The following KCNQ3 variants were observed in gnomAD, a reference collection of about 807,000 sequenced individuals.
The protein encoded by KCNQ3 is potassium voltage-gated channel subfamily Q member 3, also known as potassium voltage-gated channel subfamily KQT member 3.
KCNQ3 carries 30 observed loss-of-function variants against 92.5 expected under a neutral mutation model. The observed-to-expected ratio is 0.32, with a 90% CI of 0.24 to 0.44. The LOEUF is 0.44. Ranked by LOEUF, KCNQ3 falls within the 20% of genes least tolerant of loss-of-function variation. The probability of loss-of-function intolerance (pLI) is 1.00; values close to 1 mark genes in which losing one functional copy is unlikely to be tolerated. For synonymous variants in KCNQ3, 450 were observed against 468.8 expected (o/e 0.96, Z 0.52); for missense variants, 913 against 1,140.3 (o/e 0.80, Z 2.87).
intron 1 of KCNQ3, among the ~76,000 whole-genome samples, chr8:132,337,550 G>A (rs1818399000): frequency 1.3e-5 from 2 of 151,966 alleles, no homozygotes; most frequent in African/African-American, 4.8e-5. Context: ...TTTAGGGTCA[G>A]CACCCACCAC....
chr8:132,443,476 T>C (rs1239404492), intron 1 of KCNQ3, among the ~76,000 whole-genome samples: 1 of 152,156 alleles, frequency 6.6e-6, no homozygotes, highest in Non-Finnish European at 1.5e-5. Context: ...GATGGAGATG[T>C]CCACGTGTCA....
At chr8:132,357,331 C>T (rs934029944) in intron 1 of KCNQ3, among the ~76,000 whole-genome samples, 2 of 152,260 alleles carry the variant, frequency 1.3e-5, no homozygotes, top group South Asian at 2.1e-4. Flanking sequence ...CAGAGAAGTG[C>T]GTCAATGTGA....
chr8:132,176,923 T>C (rs971598061), intron 4 of KCNQ3, among the ~76,000 whole-genome samples: 1 of 152,240 alleles, frequency 6.6e-6, no homozygotes, highest in Non-Finnish European at 1.5e-5. Context: ...GTTTGGTCTA[T>C]AGCAGAGGGG....
intron 1 of KCNQ3, among the ~76,000 whole-genome samples, chr8:132,219,637 T>A (rs1047977356): frequency 4.6e-5 from 7 of 152,162 alleles, no homozygotes; most frequent in African/African-American, 1.7e-4. Flanking sequence ...AATCTTTTTT[T>A]TTTTCACAAA....
At chr8:132,475,278 C>A (rs2167171) in intron 1 of KCNQ3, among the ~76,000 whole-genome samples, 139,051 of 152,272 alleles carry the variant, frequency 0.91, 63,545 homozygotes, top group East Asian at 0.92. Flanking sequence ...AAGATACTTG[C>A]AAGTATGGAA....
intron 1 of KCNQ3, among the ~76,000 whole-genome samples, chr8:132,295,262 G>A (rs1257388757): frequency 6.6e-6 from 1 of 152,214 alleles, no homozygotes; most frequent in Non-Finnish European, 1.5e-5. Flanking sequence ...AGACATTTAT[G>A]TGGCCAAGAA....
At chr8:132,449,347 C>G (rs756372813) in intron 1 of KCNQ3, among the ~76,000 whole-genome samples, 1 of 151,982 alleles carries the variant, frequency 6.6e-6, no homozygotes, top group East Asian at 1.9e-4. Flanking sequence ...GCCACAGGAT[C>G]GGATTACAGT....
At chr8:132,463,776 A>G (rs970337944) in intron 1 of KCNQ3, among the ~76,000 whole-genome samples, 3 of 152,246 alleles carry the variant, frequency 2.0e-5, no homozygotes, top group Non-Finnish European at 4.4e-5. Flanking sequence ...TTATGATACC[A>G]TATTGACTTC....
chr8:132,426,603 C>G (rs1354398948), intron 1 of KCNQ3, among the ~76,000 whole-genome samples: 2 of 152,218 alleles, frequency 1.3e-5, no homozygotes, highest in African/African-American at 4.8e-5. Flanking sequence ...ATCCCATATC[C>G]CATAACTGTA....
chr8:132,409,338 G>C (rs1022197862), intron 1 of KCNQ3, among the ~76,000 whole-genome samples: 1 of 152,046 alleles, frequency 6.6e-6, no homozygotes, highest in Admixed American at 6.6e-5. Context: ...AGGTGACACA[G>C]ATACAGTTCC....
chr8:132,391,681 T>C (rs1040264293), intron 1 of KCNQ3, among the ~76,000 whole-genome samples: 1 of 152,110 alleles, frequency 6.6e-6, no homozygotes, highest in Non-Finnish European at 1.5e-5. Flanking sequence ...AGAGAAAACA[T>C]CTTCCCCCTC....
rs565468526 is a variant in KCNQ3, at chr8:132,304,861, AGTGT to A, written c.387-118684_387-118681del. On this transcript the variant is annotated intron_variant, in intron 1 of 14. Coordinates refer to ENST00000388996, the MANE Select transcript of KCNQ3 (RefSeq NM_004519.4). ...AAAGGCCTAGAGTCATAATTCTCAA[AGTGT>A]GAAATGAATGAAGGAAAGAAGGAGA... Among the ~76,000 whole-genome samples the A allele has an allele frequency of 5.6e-3, 847 of 152,274 alleles. 6 individuals are homozygous for A. Among genetic ancestry groups the A allele is most frequent in the Non-Finnish European group, 8.1e-3 (549 of 68,024 alleles).
intron 1 of KCNQ3, among the ~76,000 whole-genome samples, chr8:132,392,790 CAAAAAAAAAAA>C (rs56183412): frequency 9.6e-5 from 7 of 72,648 alleles, no homozygotes; most frequent in African/African-American, 2.8e-4. Context: ...GAACCTGTCT[CAAAAAAAAAAA>C]AAAAAAAAAA....
intron 1 of KCNQ3, among the ~76,000 whole-genome samples, chr8:132,247,728 G>A (rs1409012973): frequency 6.6e-6 from 1 of 151,794 alleles, no homozygotes; most frequent in African/African-American, 2.4e-5. Flanking sequence ...AACCCAGGAG[G>A]CGGAGGATGC....
chr8:132,380,654 C>T (rs1451144811), intron 1 of KCNQ3, among the ~76,000 whole-genome samples: 2 of 152,028 alleles, frequency 1.3e-5, no homozygotes, highest in African/African-American at 4.8e-5. Flanking sequence ...CCAGACTTAC[C>T]TTCTGTTTTT....
chr8:132,291,779 C>T (rs6651260), intron 1 of KCNQ3, among the ~76,000 whole-genome samples: 11,569 of 152,180 alleles, frequency 0.076, 504 homozygotes, highest in South Asian at 0.16. Context: ...TCTATAACTG[C>T]GTATTAGGAA....
At position 132,372,521 on chromosome 8, in the gene KCNQ3, C is replaced by T. The variant is rs181563754; in HGVS notation, c.386+107626G>A. 6.6e-3 allele frequency among the ~76,000 whole-genome samples: 1,008 copies of T among 152,004 alleles called. 19 individuals carry two copies. The highest frequency in any genetic ancestry group is 0.038 in the Admixed American group (586 of 15,264). Reference sequence around the variant, plus strand: ...CTGTAATCCCAGCACTTTGGGAGGCCGAGGCTGGTGGATCACTTGAGGTCA... The same window carrying T: ...CTGTAATCCCAGCACTTTGGGAGGCTGAGGCTGGTGGATCACTTGAGGTCA... On this transcript the variant is annotated intron_variant, in intron 1 of 14. Transcript: ENST00000388996.
chr8:132,325,446 C>T (rs1414066962), intron 1 of KCNQ3, among the ~76,000 whole-genome samples: 1 of 152,156 alleles, frequency 6.6e-6, no homozygotes, highest in African/African-American at 2.4e-5. Context: ...CGTTGAAGTC[C>T]TAACCCCTAG....
chr8:132,179,300 G>C (rs1319973171), intron 4 of KCNQ3, among the ~76,000 whole-genome samples: 2 of 151,974 alleles, frequency 1.3e-5, no homozygotes, highest in African/African-American at 4.8e-5. Flanking sequence ...TCTGGAAAAG[G>C]AATGGACTGA....
Sources: allele counts gnomAD v4.1 joint callset (sites outside exome capture counted in the v4.1 genomes callset), GRCh38; gene constraint gnomAD v4.1.1; transcripts MANE v1.5; gene names NCBI Gene and HGNC (gene_info 2026-07-23, HGNC 2026-07-21).